Variants in RECQL5 observed in about 807,000 individuals in gnomAD.
RECQL5 encodes ATP-dependent DNA helicase Q5.
In RECQL5, 88 loss-of-function variants were observed where a neutral mutation model predicts 103.4. That is an observed-to-expected ratio of 0.85 (90% CI 0.72 to 1.02). RECQL5 has a LOEUF of 1.02. RECQL5 is among the 50% of genes least tolerant of loss of function. RECQL5 has a pLI of 0.00. For missense variants in RECQL5, 1,232 were observed against 1,284.3 expected, an observed-to-expected ratio of 0.96 and a Z score of 0.62; for synonymous variants, 552 against 507.9, an observed-to-expected ratio of 1.09 and a Z score of -1.17.
At chr17:75,631,768 TCCGGCACCATGCCGGGAG>T in intron 8 of RECQL5, 100 bp from the exon 9 acceptor site, 1 of 1,241,742 alleles carries the variant, frequency 8.1e-7, no homozygotes, top group South Asian at 1.4e-5. Flanking sequence ...CACTGCCGCG[TCCGGCACCATGCCGGGAG>T]CCCCACACCC....
chr17:75,635,989 C>T (rs999448561), intron 8 of RECQL5: 3 of 371,458 alleles, frequency 8.1e-6, no homozygotes, highest in African/African-American at 2.2e-5. Context: ...TAAAGGAATG[C>T]TTCCCATCCC....
chr17:75,658,475 G>C lies in RECQL5; in HGVS notation c.987-15C>G, dbSNP rs775577540. 7 of 1,612,058 alleles carry C rather than the reference G, an allele frequency of 4.3e-6. No individual in the cohort carries two copies. Among genetic ancestry groups the C allele is most frequent in the Non-Finnish European group, 4.2e-6 (5 of 1,178,758 alleles). ...GGGCGACAAACCTGTAGGATCCAAA[G>C]GGACAAGCAGCATGAGATGGTGGAG... On this transcript the variant is annotated splice_polypyrimidine_tract_variant and intron_variant, in intron 6 of 19. Transcript: ENST00000317905.
intron 8 of RECQL5, 61 bp downstream of exon 8, chr17:75,651,125 G>T: frequency 6.2e-7 from 1 of 1,613,504 alleles, no homozygotes; most frequent in Non-Finnish European, 8.5e-7. Flanking sequence ...TAACTAGGGC[G>T]TGCCGGGGAA....
chr17:75,655,085 C>CCA (rs1461773334), intron 7 of RECQL5, among the ~76,000 whole-genome samples: 1 of 152,206 alleles, frequency 6.6e-6, no homozygotes, highest in Non-Finnish European at 1.5e-5. Context: ...GCCACCTCAC[C>CCA]CAGCCTAACA....
rs559313761 is a variant in RECQL5, at chr17:75,630,842, G to C, written c.1586-5C>G. ...CTTTCAGGGGACAGTTCTCATCTGTGGGGGGGGGGGGTGGTCCTTGGTCCT... is the reference window on the plus strand; with the variant it reads ...CTTTCAGGGGACAGTTCTCATCTGTCGGGGGGGGGGGTGGTCCTTGGTCCT... On this transcript the variant is annotated splice_polypyrimidine_tract_variant and splice_region_variant and intron_variant, in intron 11 of 19. Transcript: ENST00000317905. The C allele has an allele frequency of 6.8e-4, 850 of 1,255,638 alleles. 2 individuals carry two copies. Among genetic ancestry groups the C allele is most frequent in the Middle Eastern group, 3.1e-3 (15 of 4,776 alleles). 77.8% of individuals were successfully genotyped at this position (1,255,638 alleles called of 1,614,324 possible). A position where few individuals can be genotyped will look rare whatever the true frequency, so the allele number is the denominator to read the frequency against.
Position 75,632,558 on chromosome 17 carries a change from G to A in RECQL5, c.1230-890C>T, listed in dbSNP as rs554256348. 2.6e-5 allele frequency among the ~76,000 whole-genome samples: 4 copies of A among 152,368 alleles called. No individual in the cohort carries two copies. In the South Asian group the frequency reaches 8.3e-4, roughly 32 times the overall value. The stretch of plus-strand genomic sequence containing the variant: ...TAGCCAGGGAGACGCAGCCTCGCCT[G>A]GAGTCCTCCTCTCGTCTTCCTCTGT... On this transcript the variant is annotated intron_variant, in intron 8 of 19. Transcript: ENST00000317905.
Position 75,628,224 on chromosome 17 carries a change from A to T in RECQL5, c.2799T>A (p.Ala933=), listed in dbSNP as rs1411107967. Residue 933 remains alanine, a synonymous_variant, in exon 18 of 20, where the codon GCT becomes GCA. Coordinates refer to ENST00000317905, the MANE Select transcript of RECQL5 (RefSeq NM_004259.7). ...GCCCACTCACTCCCCCTACCTTGGA[A>T]GCAAACTTGCCCTCCTTGTAGAAAG... The part of the protein sequence containing the change: ...LTPFYKEGKF[A]SKELFKGFAR... The T allele has an allele frequency of 6.2e-7, 1 of 1,613,872 alleles. No individual in the cohort carries two copies. The highest frequency in any genetic ancestry group is 8.5e-7 in the Non-Finnish European group (1 of 1,179,894).
In RECQL5 at chr17:75,647,925, G is replaced by C. The variant is rs546749401; in HGVS notation, c.1229+3261C>G. The stretch of plus-strand genomic sequence containing the variant: ...CCAGCCAGCAATTTCACAAATCCTT[G>C]ACAGAGAAAGACACAACCAAATGAA... On this transcript the variant is annotated intron_variant, in intron 8 of 19. Coordinates refer to ENST00000317905, the MANE Select transcript of RECQL5 (RefSeq NM_004259.7). 4.8e-5 allele frequency: 10 copies of C among 209,228 alleles called. No homozygotes were observed. The South Asian group carries it at 1.6e-3, about 34-fold the overall frequency. 13.0% of individuals were successfully genotyped at this position (209,228 alleles called of 1,614,324 possible).
intron 3 of RECQL5, among the ~76,000 whole-genome samples, chr17:75,663,393 T>A (rs1013497207): frequency 3.3e-5 from 5 of 151,754 alleles, no homozygotes; most frequent in African/African-American, 9.7e-5. Context: ...AAAAAATATA[T>A]ATTAAAAATA....
rs1421518785 is a variant in RECQL5 at position 75,628,714 on chromosome 17, AG to A, written c.2537del (p.Pro846LeufsTer35). The A allele has an allele frequency of 6.3e-7, 1 of 1,590,350 alleles. No homozygotes were observed. Among genetic ancestry groups the A allele is most frequent in the Non-Finnish European group, 8.5e-7 (1 of 1,174,344 alleles). Reference protein sequence around the residue: ...DQGTPEVQPTPAKDTWKGKRP... With the variant: ...DQGTPEVQPTXAKDTWKGKRP... ...GCTTGCCCTTCCATGTGTCCTTTGC[AG>A]GGGTGGGCTGGACTTCAGGGGTGCC... On this transcript the variant is annotated frameshift_variant, in exon 17 of 20. Coordinates refer to ENST00000317905, the MANE Select transcript of RECQL5 (RefSeq NM_004259.7). LOFTEE classifies it high-confidence loss of function.
chr17:75,662,118 G>A (rs978732245), intron 4 of RECQL5, among the ~76,000 whole-genome samples: 4 of 152,044 alleles, frequency 2.6e-5, no homozygotes, highest in East Asian at 1.9e-4. Context: ...CCAAGATTGC[G>A]CCATTGCACT....
At chr17:75,650,564 C>CATGAG (rs1445723585) in intron 8 of RECQL5, 31 of 1,546,342 alleles carry the variant, frequency 2.0e-5, no homozygotes, top group Non-Finnish European at 2.6e-5. Context: ...AGGATCATTC[C>CATGAG]ATGAGATGAG....
chr17:75,647,580 G>C, intron 8 of RECQL5: 1 of 1,549,336 alleles, frequency 6.5e-7, no homozygotes, highest in South Asian at 1.2e-5. Flanking sequence ...ACTTGCTGGG[G>C]ACTGAGATGG....
chr17:75,627,051 T>A lies in RECQL5; in HGVS notation c.*371A>T. 2.4e-6 allele frequency: 1 copy of A among 418,592 alleles called. No individual in the cohort carries two copies. The highest frequency in any genetic ancestry group is 4.8e-6 in the Non-Finnish European group (1 of 209,844). The allele number at this position is 418,592 out of a possible 1,614,324, so 25.9% of individuals were successfully genotyped here. A position where few individuals can be genotyped will look rare whatever the true frequency, so the allele number is the denominator to read the frequency against. The stretch of plus-strand genomic sequence containing the variant: ...GTGGGTGGAGGATCTGAGGGTCCCC[T>A]GGGTAGGTTCCGATACCTTGGACAG... On this transcript the variant is annotated 3_prime_UTR_variant, in exon 20 of 20. Coordinates refer to ENST00000317905, the MANE Select transcript of RECQL5 (RefSeq NM_004259.7).
chr17:75,649,608 T>C, intron 8 of RECQL5: 3 of 985,090 alleles, frequency 3.0e-6, no homozygotes, highest in Non-Finnish European at 3.6e-6. Flanking sequence ...ATGAGAACTA[T>C]TCTTAGGAAG....
intron 7 of RECQL5, among the ~76,000 whole-genome samples, chr17:75,652,151 C>T (rs544612918): frequency 3.7e-4 from 56 of 152,108 alleles, no homozygotes; most frequent in African/African-American, 1.2e-3. Flanking sequence ...CACTTGAACC[C>T]GGGAGGCAGA....
chr17:75,633,166 G>A (rs921315772), intron 8 of RECQL5, among the ~76,000 whole-genome samples: 2 of 152,236 alleles, frequency 1.3e-5, no homozygotes, highest in East Asian at 3.9e-4. Context: ...GAGTCCGTGC[G>A]CCCGCACAGC....
At chr17:75,656,324 C>T (rs905097064) in intron 7 of RECQL5, among the ~76,000 whole-genome samples, 10 of 150,866 alleles carry the variant, frequency 6.6e-5, no homozygotes, top group East Asian at 2.0e-4. Context: ...GTGATCTGCC[C>T]GCCTCAGCCT....
At chr17:75,637,278 G>A (rs906625304) in intron 8 of RECQL5, 1 of 152,376 alleles carries the variant, frequency 6.6e-6, no homozygotes, top group Non-Finnish European at 1.5e-5. Flanking sequence ...CCTCTTTGAA[G>A]GAGTGTCTCT....
Sources: allele counts gnomAD v4.1 joint callset (sites outside exome capture counted in the v4.1 genomes callset), GRCh38; gene constraint gnomAD v4.1.1; transcripts MANE v1.5; gene names NCBI Gene and HGNC (gene_info 2026-07-23, HGNC 2026-07-21).